The following ZNF90 variants were observed in gnomAD, a reference collection of about 807,000 sequenced individuals.
ZNF90 encodes zinc finger protein 90.
ZNF90 carries 11 observed loss-of-function variants against 12.0 expected under a neutral mutation model. The observed-to-expected ratio is 0.92, with a 90% CI of 0.58 to 1.52. ZNF90 has a LOEUF of 1.52. Among genes scored for constraint, ZNF90 ranks in the 40% most tolerant of loss-of-function variants. The pLI is 0.00. For synonymous variants in ZNF90, 232 were observed against 240.1 expected (o/e 0.97, Z 0.31); for missense variants, 765 against 711.5 (o/e 1.08, Z -0.86).
chr19:20,103,647 T>C lies in ZNF90; in HGVS notation c.4-592T>C, dbSNP rs117072126. Among the ~76,000 whole-genome samples, 100 of 152,324 alleles carry C rather than the reference T, an allele frequency of 6.6e-4. No individual in the cohort carries two copies. In the East Asian group the frequency reaches 0.018, roughly 28 times the overall value. ...CCTTTTTTCTTATTTTTTCTACATA[T>C]TTTTGTTTGGAAAATGAAGGCTCTT... On this transcript the variant is annotated intron_variant, in intron 1 of 3. Coordinates refer to ENST00000418063, the MANE Select transcript of ZNF90 (RefSeq NM_007138.2).
At chr19:20,117,419 C>A (rs2089149140) in intron 3 of ZNF90, among the ~76,000 whole-genome samples, 1 of 146,956 alleles carries the variant, frequency 6.8e-6, no homozygotes, top group Non-Finnish European at 1.5e-5. Context: ...TTCCTTCCTT[C>A]CTTTCTTCCT....
chr19:20,086,737 A>G (rs1319675547), intron 1 of ZNF90, among the ~76,000 whole-genome samples: 1 of 152,244 alleles, frequency 6.6e-6, no homozygotes, highest in Non-Finnish European at 1.5e-5. Flanking sequence ...AAAATGATTT[A>G]TACTTACTTA....
chr19:20,100,609 A>G (rs1158884952), intron 1 of ZNF90, among the ~76,000 whole-genome samples: 1 of 152,046 alleles, frequency 6.6e-6, no homozygotes, highest in African/African-American at 2.4e-5. Flanking sequence ...GACCCCTACT[A>G]CACCGCAATT....
rs1568288363 is a variant in ZNF90 at position 20,104,356 on chromosome 19, G to C, written c.121G>C (p.Val41Leu). The change falls in exon 2 of 4, where the codon GTC becomes CTC. Residue 41 changes from valine to leucine, a missense_variant. Transcript: ENST00000418063. The stretch of plus-strand genomic sequence containing the variant: ...GATGTTAGAGAACTACAGACACCTG[G>C]TCTTCCTTGGTGAGGATAAGTGGAA... ...DVMLENYRHL[V>L]FLGIVVTKPD... 6.2e-7 allele frequency: 1 copy of C among 1,613,294 alleles called. No individual in the cohort carries two copies. The highest frequency in any genetic ancestry group is 8.5e-7 in the Non-Finnish European group (1 of 1,179,668).
chr19:20,090,891 G>T (rs2088896990), intron 1 of ZNF90, among the ~76,000 whole-genome samples: 1 of 152,138 alleles, frequency 6.6e-6, no homozygotes, highest in South Asian at 2.1e-4. Context: ...GTGAGGTGTG[G>T]CTTTAAAAGA....
At chr19:20,108,584 C>G (rs2089059364) in intron 3 of ZNF90, among the ~76,000 whole-genome samples, 1 of 152,060 alleles carries the variant, frequency 6.6e-6, no homozygotes, top group South Asian at 2.1e-4. Flanking sequence ...CCCAAAGTTG[C>G]TGAGATTACA....
rs536417107 is a variant in ZNF90, at chr19:20,107,173, C to T, written c.226+1857C>T. The T allele has an allele frequency of 2.5e-5, 9 of 365,328 alleles. No individual in the cohort carries two copies. The East Asian group carries it at 5.9e-4, about 24-fold the overall frequency. 22.6% of individuals were successfully genotyped at this position (365,328 alleles called of 1,614,324 possible). On this transcript the variant is annotated intron_variant, in intron 3 of 3. Coordinates refer to ENST00000418063, the MANE Select transcript of ZNF90 (RefSeq NM_007138.2). ...CTGAGTCATTGAACCGCTTCAGGGA[C>T]CCCAGTAAAGGCCAATGTCTTCATG...
intron 3 of ZNF90, among the ~76,000 whole-genome samples, chr19:20,113,611 T>C (rs561381007): frequency 3.3e-5 from 5 of 152,072 alleles, no homozygotes; most frequent in Middle Eastern, 3.4e-3. Flanking sequence ...GGGCGGATCA[T>C]GAGGTCAGGA....
At position 20,088,569 on chromosome 19, in the gene ZNF90, G is replaced by GT. The variant is rs1432527480; in HGVS notation, c.3+10441dup. ...GCAAGTTTTTGGGCTCTATCCTTGA[G>GT]TTTTTTTATGTTGTCATACACCAGG... On this transcript the variant is annotated intron_variant, in intron 1 of 3. Transcript: ENST00000418063. Among the ~76,000 whole-genome samples, 634 of 152,232 alleles carry GT rather than the reference G, an allele frequency of 4.2e-3. 6 individuals are homozygous for GT. Among genetic ancestry groups the GT allele is most frequent in the African/African-American group, 0.015 (606 of 41,542 alleles).
intron 3 of ZNF90, among the ~76,000 whole-genome samples, chr19:20,116,003 A>G (rs2089133879): frequency 1.3e-5 from 2 of 152,074 alleles, no homozygotes; most frequent in South Asian, 4.1e-4. Context: ...TCTCCTGAGT[A>G]GCTGGGTACA....
At chr19:20,111,961 T>C (rs1162290816) in intron 3 of ZNF90, among the ~76,000 whole-genome samples, 1 of 151,634 alleles carries the variant, frequency 6.6e-6, no homozygotes, top group Non-Finnish European at 1.5e-5. Context: ...CAGGTTCAAG[T>C]GATTCTCCTT....
rs1386523846 is a variant in ZNF90 at position 20,120,192 on chromosome 19, A to G, written c.*832A>G. 6.6e-6 allele frequency among the ~76,000 whole-genome samples: 1 copy of G among 152,236 alleles called. No individual in the cohort carries two copies. Among genetic ancestry groups the G allele is most frequent in the Non-Finnish European group, 1.5e-5 (1 of 68,040 alleles). On this transcript the variant is annotated 3_prime_UTR_variant, in exon 4 of 4. Transcript: ENST00000418063. ...AGCTAGTATCCTTGAGAAAAATTGC[A>G]CAATTATAAAAAATATGGAAAACCC...
intron 3 of ZNF90, among the ~76,000 whole-genome samples, chr19:20,114,566 C>G (rs1354414966): frequency 6.6e-6 from 1 of 152,000 alleles, no homozygotes; most frequent in Non-Finnish European, 1.5e-5. Flanking sequence ...TGTGTTGTAT[C>G]ATTTCTATAT....
intron 3 of ZNF90, among the ~76,000 whole-genome samples, chr19:20,110,158 A>G (rs376078995): frequency 9.2e-5 from 14 of 152,164 alleles, no homozygotes; most frequent in African/African-American, 2.4e-4. Context: ...TGTATATGTT[A>G]CTTTTTTTGA....
chr19:20,095,561 A>AGGG (rs1407779331), intron 1 of ZNF90, among the ~76,000 whole-genome samples: 2 of 151,902 alleles, frequency 1.3e-5, no homozygotes, highest in South Asian at 2.1e-4. Flanking sequence ...AAAAGCAGGA[A>AGGG]GGGGGGTCAG....
At chr19:20,106,279 T>A (rs1351661700) in intron 3 of ZNF90, among the ~76,000 whole-genome samples, 1 of 152,124 alleles carries the variant, frequency 6.6e-6, no homozygotes, top group African/African-American at 2.4e-5. Flanking sequence ...AATATAAGAT[T>A]GTATGATCTA....
intron 1 of ZNF90, among the ~76,000 whole-genome samples, chr19:20,092,643 C>G (rs1180946918): frequency 6.6e-6 from 1 of 152,088 alleles, no homozygotes; most frequent in African/African-American, 2.4e-5. Flanking sequence ...AAGTATCCAA[C>G]CATGCCGAGG....
rs1555706297 is a variant in ZNF90, at chr19:20,119,230, A to G, written c.1676A>G (p.His559Arg). The G allele has an allele frequency of 8.7e-6, 14 of 1,613,796 alleles. No individual in the cohort carries two copies. The highest frequency in any genetic ancestry group is 1.3e-5 in the African/African-American group (1 of 74,936). The change falls in exon 4 of 4, where the codon CAT (histidine) becomes CGT (arginine). Residue 559 changes from histidine to arginine, a missense_variant. By Grantham distance (29) the His-to-Arg change is conservative. Coordinates refer to ENST00000418063, the MANE Select transcript of ZNF90 (RefSeq NM_007138.2). The stretch of plus-strand genomic sequence containing the variant: ...CAGCTTACTAGTCATAAGATAAGTC[A>G]TACTGGAGAGAAACCCTACAAATGT... ...SSQLTSHKISHTGEKPYKCEE... is the reference protein window; with the variant it reads ...SSQLTSHKISRTGEKPYKCEE...
rs113660218 is a variant in ZNF90 at position 20,093,865 on chromosome 19, G to A, written c.4-10374G>A. Among the ~76,000 whole-genome samples the A allele has an allele frequency of 1.7e-3, 254 of 147,260 alleles. 3 individuals carry two copies. Among genetic ancestry groups the A allele is most frequent in the African/African-American group, 6.0e-3 (246 of 41,138 alleles). ...TGATGGTCCAGGGGGCTTCCGAGGC[G>A]ATCGGGCAATGTCAATCTTCAGTTG... is the stretch of plus-strand genomic sequence containing the variant. On this transcript the variant is annotated intron_variant, in intron 1 of 3. Coordinates refer to ENST00000418063, the MANE Select transcript of ZNF90 (RefSeq NM_007138.2).
Sources: allele counts gnomAD v4.1 joint callset (sites outside exome capture counted in the v4.1 genomes callset), GRCh38; gene constraint gnomAD v4.1.1; transcripts MANE v1.5; gene names NCBI Gene and HGNC (gene_info 2026-07-23, HGNC 2026-07-21).